Variants in NPEPPS observed in about 807,000 individuals in gnomAD.
The protein encoded by NPEPPS is puromycin-sensitive aminopeptidase.
NPEPPS carries 14 observed loss-of-function variants against 115.5 expected under a neutral mutation model. The ratio of observed to expected loss-of-function variants is 0.12; its 90% CI spans 0.08 to 0.19. The LOEUF (loss-of-function observed/expected upper bound fraction) is 0.19. NPEPPS is among the 10% of genes least tolerant of loss of function. The probability of loss-of-function intolerance (pLI) is 1.00; values close to 1 mark genes in which losing one functional copy is unlikely to be tolerated. For synonymous variants in NPEPPS, 285 were observed against 390.6 expected, an observed-to-expected ratio of 0.73 and a Z score of 3.19; for missense variants, 523 against 1,110.8, an observed-to-expected ratio of 0.47 and a Z score of 7.52.
chr17:47,564,152 C>T (rs527663459), intron 2 of NPEPPS, among the ~76,000 whole-genome samples: 29 of 152,036 alleles, frequency 1.9e-4, no homozygotes, highest in Non-Finnish European at 3.2e-4. Context: ...AAACTCCTGA[C>T]CTCAAGTGAC....
intron 1 of NPEPPS, among the ~76,000 whole-genome samples, chr17:47,535,510 C>A (rs1671923474): frequency 6.8e-6 from 1 of 147,148 alleles, no homozygotes; most frequent in Admixed American, 6.8e-5. Flanking sequence ...GAGATCGCGC[C>A]ACGCACTCCA....
At position 47,531,569 on chromosome 17, in the gene NPEPPS, C is replaced by T. The variant is rs577785321; in HGVS notation, c.255+14C>T. On this transcript the variant is annotated intron_variant, in intron 1 of 22. Coordinates refer to ENST00000322157, the MANE Select transcript of NPEPPS (RefSeq NM_006310.4). ...GCCGCCGCCCAGGTACAGCGACCCT[C>T]GGGCCCCGGGGCAAGCTGCGGGGCG... 737 of 1,589,876 alleles carry T rather than the reference C, an allele frequency of 4.6e-4. 3 individuals carry two copies. In the African/African-American group the frequency reaches 9.0e-3, roughly 19 times the overall value.
At chr17:47,598,574 A>G (rs958993857) in intron 13 of NPEPPS, among the ~76,000 whole-genome samples, 6 of 152,210 alleles carry the variant, frequency 3.9e-5, no homozygotes, top group Admixed American at 2.0e-4. Flanking sequence ...AGCCTGGGTA[A>G]CACGGCAAGA....
At chr17:47,540,953 T>C (rs1908709960) in intron 1 of NPEPPS, among the ~76,000 whole-genome samples, 1 of 152,050 alleles carries the variant, frequency 6.6e-6, no homozygotes, top group African/African-American at 2.4e-5. Flanking sequence ...CCAGAAATGG[T>C]AGTATCCTGG....
Position 47,596,473 on chromosome 17 carries a change from A to G in NPEPPS, c.1536+11A>G. ...GTGGAAGCTGAACAGGTAAACATATAAAGTCTTTCCATTTGTCTGATATTG... is the reference window on the plus strand; with the variant it reads ...GTGGAAGCTGAACAGGTAAACATATGAAGTCTTTCCATTTGTCTGATATTG... On this transcript the variant is annotated intron_variant, in intron 13 of 22. Coordinates refer to ENST00000322157, the MANE Select transcript of NPEPPS (RefSeq NM_006310.4). The G allele has an allele frequency of 6.6e-7, 1 of 1,504,100 alleles. No homozygotes were observed. The highest frequency in any genetic ancestry group is 9.1e-7 in the Non-Finnish European group (1 of 1,101,100). 93.2% of individuals were successfully genotyped at this position (1,504,100 alleles called of 1,614,324 possible).
At chr17:47,588,090 A>G (rs1348209683) in intron 9 of NPEPPS, among the ~76,000 whole-genome samples, 1 of 152,136 alleles carries the variant, frequency 6.6e-6, no homozygotes, top group African/African-American at 2.4e-5. Context: ...TAGGCTGCCA[A>G]AGAGCAGAAC....
At chr17:47,548,244 T>C (rs1909378249) in intron 2 of NPEPPS, 1 of 152,216 alleles carries the variant, frequency 6.6e-6, no homozygotes, top group Non-Finnish European at 1.5e-5. Flanking sequence ...TTAAGTTCAA[T>C]TGATTGTAAA....
chr17:47,596,730 A>C (rs545164922), intron 13 of NPEPPS, among the ~76,000 whole-genome samples: 35 of 152,364 alleles, frequency 2.3e-4, no homozygotes, highest in African/African-American at 7.9e-4. Context: ...TTTATTCTAC[A>C]AATGCAAGGT....
Position 47,587,202 on chromosome 17 carries a change from T to C in NPEPPS, c.981-28T>C, listed in dbSNP as rs774109058. The C allele has an allele frequency of 9.9e-4, 1,519 of 1,533,396 alleles. 11 individuals carry two copies. The African/African-American group carries it at 0.017, about 17-fold the overall frequency. 95.0% of individuals were successfully genotyped at this position (1,533,396 alleles called of 1,614,324 possible). On this transcript the variant is annotated intron_variant, in intron 8 of 22. Transcript: ENST00000322157. Reference sequence around the variant, plus strand: ...CATGCCCACTTTTATTGTTTAAATTTGTTTCTTTTTTTTTTTTTTAAACAC... The same window carrying C: ...CATGCCCACTTTTATTGTTTAAATTCGTTTCTTTTTTTTTTTTTTAAACAC...
At position 47,605,565 on chromosome 17, in the gene NPEPPS, C is replaced by CTAAA. The variant is rs780793217; in HGVS notation, c.2095+15_2095+18dup. ...AAACCTGGAGAAGGTAATGGATATA[C>CTAAA]TAAATGGAGAAAGAATTACGCAGAA... On this transcript the variant is annotated intron_variant, in intron 17 of 22. Transcript: ENST00000322157. 2.0e-6 allele frequency: 3 copies of CTAAA among 1,489,518 alleles called. No homozygotes were observed. In the East Asian group the frequency reaches 7.0e-5, roughly 35 times the overall value. The allele number at this position is 1,489,518 out of a possible 1,614,324, so 92.3% of individuals were successfully genotyped here. A position where few individuals can be genotyped will look rare whatever the true frequency, so the allele number is the denominator to read the frequency against.
At chr17:47,604,774 G>T (rs543985607) in intron 16 of NPEPPS, among the ~76,000 whole-genome samples, 1 of 152,334 alleles carries the variant, frequency 6.6e-6, no homozygotes, top group East Asian at 1.9e-4. Context: ...TGTGCAGCTG[G>T]CTGCTGTAAC....
intron 14 of NPEPPS, 87 bp downstream of exon 14, chr17:47,599,826 C>CTT (rs34538095): frequency 5.3e-4 from 480 of 899,154 alleles, no homozygotes; most frequent in East Asian, 5.9e-4. Flanking sequence ...GGAAATTTTT[C>CTT]TTTTTTTTTT....
intron 1 of NPEPPS, among the ~76,000 whole-genome samples, chr17:47,543,523 C>T (rs1168805682): frequency 7.0e-6 from 1 of 143,700 alleles, no homozygotes; most frequent in African/African-American, 2.6e-5. Context: ...AATGGGGTTT[C>T]ACCATGTTGG....
chr17:47,547,297 A>G (rs1247946335), intron 2 of NPEPPS, among the ~76,000 whole-genome samples: 2 of 152,118 alleles, frequency 1.3e-5, no homozygotes, highest in African/African-American at 4.8e-5. Flanking sequence ...AATAGACACC[A>G]AGTTTGGCAT....
Position 47,591,371 on chromosome 17 carries a change from C to CA in NPEPPS, c.1260+499dup, listed in dbSNP as rs541815496. ...GGGCAACAAGAGCAAAAAACTCTGCCAAAAAAAAAGAAAAAGAATAGTATG... is the reference window on the plus strand; with the variant it reads ...GGGCAACAAGAGCAAAAAACTCTGCCAAAAAAAAAAGAAAAAGAATAGTATG... On this transcript the variant is annotated intron_variant, in intron 10 of 22. Transcript: ENST00000322157. Among the ~76,000 whole-genome samples, 1,366 of 149,476 alleles carry CA rather than the reference C, an allele frequency of 9.1e-3. 12 individuals carry two copies. The highest frequency in any genetic ancestry group is 0.014 in the Non-Finnish European group (949 of 67,376).
chr17:47,575,936 TG>T lies in NPEPPS; in HGVS notation c.419-3453del, dbSNP rs144721853. On this transcript the variant is annotated intron_variant, in intron 3 of 22. Transcript: ENST00000322157. ...AATATTGAATTATTTAATATCTGTT[TG>T]AAATCATTGGCTTTCACATTTTCCC... is the stretch of plus-strand genomic sequence containing the variant. Among the ~76,000 whole-genome samples, 1,414 of 152,296 alleles carry T rather than the reference TG, an allele frequency of 9.3e-3. 53 individuals are homozygous for T. The highest frequency in any genetic ancestry group is 0.063 in the Admixed American group (960 of 15,286).
intron 2 of NPEPPS, among the ~76,000 whole-genome samples, 171 bp downstream of exon 2, chr17:47,546,164 C>T (rs1469947851): frequency 3.9e-5 from 6 of 151,946 alleles, no homozygotes; most frequent in Non-Finnish European, 7.4e-5. Context: ...AAGTGGCTCA[C>T]GCCTGTAATC....
chr17:47,558,721 C>T (rs891228906), intron 2 of NPEPPS, among the ~76,000 whole-genome samples: 3 of 152,302 alleles, frequency 2.0e-5, no homozygotes, highest in East Asian at 3.9e-4. Context: ...CCACCATGCC[C>T]GGCCTCTTTT....
intron 3 of NPEPPS, among the ~76,000 whole-genome samples, chr17:47,571,439 C>T (rs2143808517): frequency 6.6e-6 from 1 of 152,294 alleles, no homozygotes. Flanking sequence ...AATAAATGGG[C>T]TGGGCGTGGT....
Sources: gnomAD v4.1 joint callset for allele counts (sites outside exome capture counted in the v4.1 genomes callset) on GRCh38, gnomAD v4.1.1 for gene constraint, MANE v1.5 for transcripts, NCBI Gene and HGNC (gene_info 2026-07-23, HGNC 2026-07-21) for gene names.